TPPP2: variants seen among roughly 807,000 people sequenced by gnomAD.
TPPP2 encodes the protein tubulin polymerization-promoting protein family member 2.
Under a neutral mutation model 13.0 loss-of-function variants are expected in TPPP2, and 8 were observed. The observed-to-expected ratio is 0.62, with a 90% confidence interval of 0.36 to 1.11. The LOEUF (loss-of-function observed/expected upper bound fraction) is 1.11, where lower values mean the gene tolerates loss of function less well. Among genes scored for constraint, TPPP2 ranks in the 50% most tolerant of loss-of-function variants. The pLI, the probability that TPPP2 is intolerant of heterozygous loss-of-function variation, is 0.02. For missense variants in TPPP2, 213 were observed against 216.9 expected, an observed-to-expected ratio of 0.98 and a Z score of 0.11; for synonymous variants, 81 against 81.8, an observed-to-expected ratio of 0.99 and a Z score of 0.05.
In TPPP2 at chr14:21,025,062, G is replaced by A; in HGVS notation, n.236+718G>A. The A allele has an allele frequency of 1.0e-6, 1 of 985,866 alleles. No homozygotes were observed. Among genetic ancestry groups the A allele is most frequent in the Non-Finnish European group, 1.2e-6 (1 of 830,520 alleles). 61.1% of individuals were successfully genotyped at this position (985,866 alleles called of 1,614,324 possible). On this transcript the variant is annotated intron_variant and non_coding_transcript_variant, in intron 1 of 1. Transcript: ENST00000533755. The surrounding 1 kb of genome is among the most constrained non-coding windows in gnomAD (Gnocchi z 5.1). ...GCCGCGGCCGCTTCCACCTTCACTT[G>A]CCTTTGACTCGGGCCCGCCCCGGCT... is the stretch of plus-strand genomic sequence containing the variant.
downstream of TPPP2, chr14:21,033,104 CA>C (rs1043714343): frequency 1.5e-5 from 6 of 410,762 alleles, no homozygotes; most frequent in African/African-American, 1.3e-4. Context: ...CTTGAAATGC[CA>C]GTGAGCCAAG....
chr14:21,030,828 G>A (rs1393400306), intron 2 of TPPP2, 74 bp downstream of exon 2: 1 of 1,562,676 alleles, frequency 6.4e-7, no homozygotes, highest in Admixed American at 1.8e-5. Context: ...GGTTCACGTG[G>A]TGGAACATTT....
downstream of TPPP2, chr14:21,033,177 G>A: frequency 2.7e-6 from 1 of 367,382 alleles, no homozygotes; most frequent in Non-Finnish European, 5.3e-6. Context: ...CGGTTGTTGG[G>A]AGTGTGGGGG....
At position 21,030,642 on chromosome 14, in the gene TPPP2, A is replaced by G; in HGVS notation, c.61A>G (p.Ser21Gly). 1.2e-6 allele frequency: 2 copies of G among 1,614,114 alleles called. No individual in the cohort carries two copies. Among genetic ancestry groups the G allele is most frequent in the Non-Finnish European group, 1.7e-6 (2 of 1,180,022 alleles). ...TGCTGCGTTTGGAGAATCATCAAGC[A>G]GTGGCACTGAAATGAACAACAAGAA... ...RFAAFGESSSSGTEMNNKNFS... is the reference protein window; with the variant it reads ...RFAAFGESSSGGTEMNNKNFS... Residue 21 changes from serine to glycine, a missense_variant, in exon 2 of 4, where the codon AGT (serine) becomes GGT (glycine). Physicochemically the swap from Ser to Gly is moderately conservative, Grantham distance 56. Coordinates refer to ENST00000321760, the MANE Select transcript of TPPP2 (RefSeq NM_173846.5).
intron 1 of TPPP2, chr14:21,024,412 G>T: frequency 1.1e-6 from 1 of 901,582 alleles, no homozygotes; most frequent in Non-Finnish European, 1.3e-6. Flanking sequence ...GTGTGACCTT[G>T]CCCCAGTTAG....
downstream of TPPP2, chr14:21,036,299 C>G (rs1203753275): frequency 8.8e-6 from 4 of 455,878 alleles, no homozygotes; most frequent in East Asian, 2.8e-4. Flanking sequence ...TCCCTTCTTT[C>G]GTCTAAAAGT....
At chr14:21,034,689 G>T, downstream of TPPP2, 1 of 191,158 alleles carries the variant, frequency 5.2e-6, no homozygotes, top group Non-Finnish European at 1.1e-5. Context: ...AGGAAGGACA[G>T]GAGCTGAAGA....
chr14:21,033,712 C>A (rs1300939661), downstream of TPPP2: 6 of 835,544 alleles, frequency 7.2e-6, no homozygotes, highest in African/African-American at 1.7e-5. Flanking sequence ...GGGAGGGGAC[C>A]CTGCCTGCCT....
chr14:21,027,003 G>C (rs1172374254), upstream of TPPP2, among the ~76,000 whole-genome samples: 5 of 152,154 alleles, frequency 3.3e-5, no homozygotes, highest in Admixed American at 2.6e-4. Flanking sequence ...ACTTGGAGTG[G>C]GGGAGGGAAG....
chr14:21,026,293 C>T (rs1883615103), upstream of TPPP2, among the ~76,000 whole-genome samples: 2 of 152,032 alleles, frequency 1.3e-5, no homozygotes, highest in Non-Finnish European at 2.9e-5. Context: ...TGAATTTCTC[C>T]CCACCTGCCC....
rs746394184 is a variant in TPPP2 at position 21,030,602 on chromosome 14, A to T, written c.21A>T (p.Lys7Asn). ...TGACCATGGCATCAGAGGCAGAAAA[A>T]ACATTCCATCGGTTTGCTGCGTTTG... MASEAE[K>N]TFHRFAAFGE... Residue 7 changes from lysine (K) to asparagine (N), a missense_variant, in exon 2 of 4, where the codon AAA becomes AAT. Coordinates refer to ENST00000321760, the MANE Select transcript of TPPP2 (RefSeq NM_173846.5). 1 of 1,613,640 alleles carries T rather than the reference A, an allele frequency of 6.2e-7. No individual in the cohort carries two copies. The highest frequency in any genetic ancestry group is 1.1e-5 in the South Asian group (1 of 90,930).
chr14:21,034,387 A>C, downstream of TPPP2: 4 of 833,378 alleles, frequency 4.8e-6, no homozygotes, highest in South Asian at 6.8e-5. Context: ...ACCCAACAGT[A>C]CTTTAGAGAT....
chr14:21,034,544 C>T, downstream of TPPP2: 1 of 472,918 alleles, frequency 2.1e-6, no homozygotes, highest in Non-Finnish European at 3.8e-6. Context: ...GCTACATTTG[C>T]AGAATAAGAG....
upstream of TPPP2, among the ~76,000 whole-genome samples, chr14:21,026,917 C>T (rs1390488376): frequency 6.6e-6 from 1 of 152,132 alleles, no homozygotes; most frequent in East Asian, 1.9e-4. Flanking sequence ...TCATCAGCAC[C>T]AGAGGAACCT....
chr14:21,036,243 T>C, downstream of TPPP2: 1 of 456,332 alleles, frequency 2.2e-6, no homozygotes, highest in Non-Finnish European at 4.4e-6. Flanking sequence ...CCAGTAAGAC[T>C]CAACTCAAAT....
chr14:21,024,724 C>G, intron 1 of TPPP2: 1 of 985,450 alleles, frequency 1.0e-6, no homozygotes, highest in Non-Finnish European at 1.2e-6. Context: ...ACAGAGGAGA[C>G]CGGCCGGGCC....
At position 21,030,642 on chromosome 14, in the gene TPPP2, AG is replaced by A. The variant is rs772655714; in HGVS notation, c.62del (p.Ser21MetfsTer5). The A allele has an allele frequency of 1.3e-3, 2,026 of 1,614,114 alleles. 1 individual carries two copies. The highest frequency in any genetic ancestry group is 1.6e-3 in the Non-Finnish European group (1,893 of 1,180,022). ...TGCTGCGTTTGGAGAATCATCAAGC[AG>A]TGGCACTGAAATGAACAACAAGAAC... The part of the protein sequence containing the change: ...RFAAFGESSS[S>X]GTEMNNKNFS... On this transcript the variant is annotated frameshift_variant, in exon 2 of 4. Coordinates refer to ENST00000321760, the MANE Select transcript of TPPP2 (RefSeq NM_173846.5). LOFTEE classifies it high-confidence loss of function.
chr14:21,025,651 C>A, upstream of TPPP2: 1 of 985,370 alleles, frequency 1.0e-6, no homozygotes, highest in Non-Finnish European at 1.2e-6. The surrounding 1 kb of genome is among the most constrained non-coding windows in gnomAD (Gnocchi z 5.1). Flanking sequence ...GGAGTTCCGA[C>A]TCCCTCGTGC....
intron 1 of TPPP2, chr14:21,024,678 C>A (rs1029883745): frequency 3.0e-6 from 3 of 985,510 alleles, no homozygotes; most frequent in Non-Finnish European, 2.4e-6. Context: ...CCCGACGGCC[C>A]GCGAAGGCAA....
Sources: gnomAD v4.1 joint callset for allele counts (sites outside exome capture counted in the v4.1 genomes callset) on GRCh38, gnomAD v4.1.1 for gene constraint, Gnocchi (gnomAD v3.1) non-coding constraint, MANE v1.5 for transcripts, NCBI Gene and HGNC (gene_info 2026-07-23, HGNC 2026-07-21) for gene names.